Variants in TAS2R1 observed in about 807,000 individuals in gnomAD.
TAS2R1 encodes the protein taste receptor type 2 member 1.
For synonymous variants in TAS2R1, 141 were observed against 134.2 expected, an observed-to-expected ratio of 1.05 and a Z score of -0.35; for missense variants, 370 against 353.4, an observed-to-expected ratio of 1.05 and a Z score of -0.38.
the TAS2R1 span, among the ~76,000 whole-genome samples, chr5:9,731,735 C>T: frequency 6.6e-6 from 1 of 152,204 alleles, no homozygotes; most frequent in Non-Finnish European, 1.5e-5. Flanking sequence ...TGTCTTTTTG[C>T]AGCACTTACA....
chr5:9,685,441 A>G (rs1741106209), intron 1 of TAS2R1, among the ~76,000 whole-genome samples: 1 of 152,086 alleles, frequency 6.6e-6, no homozygotes, highest in African/African-American at 2.4e-5. Flanking sequence ...TATATACTAC[A>G]TATTTATTAC....
At chr5:9,660,538 C>T (rs1487143903) in intron 1 of TAS2R1, among the ~76,000 whole-genome samples, 1 of 152,092 alleles carries the variant, frequency 6.6e-6, no homozygotes, top group African/African-American at 2.4e-5. Flanking sequence ...AACCCAATGG[C>T]CGCAACGTCC....
the TAS2R1 span, among the ~76,000 whole-genome samples, chr5:9,786,563 T>TA: frequency 6.6e-6 from 1 of 152,154 alleles, no homozygotes. Context: ...ACCTAGGAAC[T>TA]AAAAAGTTTA....
chr5:9,685,206 T>C (rs974604071), intron 1 of TAS2R1, among the ~76,000 whole-genome samples: 1 of 152,306 alleles, frequency 6.6e-6, no homozygotes, highest in Non-Finnish European at 1.5e-5. Context: ...GGATTCATCC[T>C]TTATTGATGA....
chr5:9,683,701 C>T (rs1431131240), intron 1 of TAS2R1, among the ~76,000 whole-genome samples: 1 of 152,170 alleles, frequency 6.6e-6, no homozygotes, highest in African/African-American at 2.4e-5. Context: ...CTCAGGGCAG[C>T]CACTATTAAT....
At chr5:9,761,971 T>C in the TAS2R1 span, among the ~76,000 whole-genome samples, 1 of 152,176 alleles carries the variant, frequency 6.6e-6, no homozygotes, top group Non-Finnish European at 1.5e-5. Flanking sequence ...CTGAGCTGAC[T>C]GCCTTTAGGC....
the TAS2R1 span, among the ~76,000 whole-genome samples, chr5:9,741,983 C>A: frequency 2.6e-5 from 4 of 152,154 alleles, no homozygotes; most frequent in African/African-American, 9.7e-5. Flanking sequence ...ACAACCTCTG[C>A]CTCCTGGGGT....
At chr5:9,841,705 C>G in the TAS2R1 span, among the ~76,000 whole-genome samples, 1 of 152,138 alleles carries the variant, frequency 6.6e-6, no homozygotes, top group Non-Finnish European at 1.5e-5. Context: ...AGGCTGTGGC[C>G]AGTCTACCTG....
the TAS2R1 span, among the ~76,000 whole-genome samples, chr5:9,855,911 C>A: frequency 6.6e-6 from 1 of 151,384 alleles, no homozygotes; most frequent in Non-Finnish European, 1.5e-5. Context: ...TATAGCCCTA[C>A]ATTCTGATTG....
the TAS2R1 span, among the ~76,000 whole-genome samples, chr5:9,882,172 C>T: frequency 6.6e-6 from 1 of 152,028 alleles, no homozygotes; most frequent in Non-Finnish European, 1.5e-5. Context: ...AAGACAACCC[C>T]ATTAAAAAGT....
At chr5:9,751,139 T>G in the TAS2R1 span, among the ~76,000 whole-genome samples, 137 of 151,242 alleles carry the variant, frequency 9.1e-4, no homozygotes, top group African/African-American at 3.2e-3. Context: ...CAAAGGTTTT[T>G]TATCTGTGAT....
chr5:9,683,681 C>T (rs371615795), intron 1 of TAS2R1, among the ~76,000 whole-genome samples: 8 of 152,140 alleles, frequency 5.3e-5, no homozygotes, highest in African/African-American at 1.4e-4. Context: ...GTTGCTTTCT[C>T]GAGTCAGAGC....
the TAS2R1 span, among the ~76,000 whole-genome samples, chr5:9,886,015 T>C: frequency 6.6e-6 from 1 of 151,910 alleles, no homozygotes; most frequent in Non-Finnish European, 1.5e-5. Flanking sequence ...GCTTCAAATA[T>C]GATTTTTTTA....
chr5:9,888,519 C>T, the TAS2R1 span, among the ~76,000 whole-genome samples: 1 of 152,148 alleles, frequency 6.6e-6, no homozygotes, highest in Non-Finnish European at 1.5e-5. Context: ...ATCCGTAATG[C>T]ATGTATGAAG....
the TAS2R1 span, among the ~76,000 whole-genome samples, chr5:9,718,513 T>C: frequency 6.6e-6 from 1 of 151,254 alleles, no homozygotes; most frequent in Admixed American, 6.6e-5. Flanking sequence ...AGAGGCTGGG[T>C]GCAGTGGCTC....
chr5:9,657,985 A>C (rs956385612), intron 2 of TAS2R1, among the ~76,000 whole-genome samples: 1 of 152,212 alleles, frequency 6.6e-6, no homozygotes, highest in African/African-American at 2.4e-5. Context: ...AAGGATTTAG[A>C]ACTGATGAGG....
chr5:9,756,100 G>A, the TAS2R1 span, among the ~76,000 whole-genome samples: 1 of 152,162 alleles, frequency 6.6e-6, no homozygotes, highest in African/African-American at 2.4e-5. Flanking sequence ...TGACAGTTTG[G>A]CAGCATCTAA....
the TAS2R1 span, among the ~76,000 whole-genome samples, chr5:9,721,984 G>T: frequency 2.6e-5 from 4 of 152,176 alleles, no homozygotes; most frequent in Non-Finnish European, 5.9e-5. Context: ...TAGGTGGCCA[G>T]ACCAGTAACT....
the TAS2R1 span, among the ~76,000 whole-genome samples, chr5:9,753,065 G>A: frequency 6.6e-6 from 1 of 152,196 alleles, no homozygotes; most frequent in Non-Finnish European, 1.5e-5. Context: ...TATATACCCA[G>A]TAATGGGATG....
Sources: gnomAD v4.1 joint callset for allele counts (sites outside exome capture counted in the v4.1 genomes callset) on GRCh38, gnomAD v4.1.1 for gene constraint, MANE v1.5 for transcripts, NCBI Gene and HGNC (gene_info 2026-07-23, HGNC 2026-07-21) for gene names.